Variants in DICER1 observed in about 807,000 individuals in gnomAD.
DICER1 encodes the protein endoribonuclease Dicer.
A neutral mutation model predicts 194.1 loss-of-function variants in DICER1; 43 were observed. That is an observed-to-expected ratio of 0.22 (90% confidence interval 0.17 to 0.29). The LOEUF (loss-of-function observed/expected upper bound fraction) is 0.29. Among genes scored for constraint, DICER1 ranks in the 10% least tolerant of loss-of-function variants. The pLI, the probability that DICER1 is intolerant of heterozygous loss-of-function variation, is 1.00. For synonymous variants in DICER1, 832 were observed against 820.5 expected (o/e 1.01, Z -0.24); for missense variants, 1,608 against 2,317.0 (o/e 0.69, Z 6.28).
chr14:95,104,864 C>T (rs1335367134), intron 20 of DICER1, among the ~76,000 whole-genome samples: 2 of 152,216 alleles, frequency 1.3e-5, no homozygotes, highest in African/African-American at 4.8e-5. Flanking sequence ...ATTTCATTCT[C>T]ACTCCAACTG....
At chr14:95,103,166 C>T (rs1040889944) in intron 21 of DICER1, among the ~76,000 whole-genome samples, 180 bp downstream of exon 21, 42 of 152,122 alleles carry the variant, frequency 2.8e-4, no homozygotes, top group Non-Finnish European at 2.9e-4. Flanking sequence ...TCATCAACTG[C>T]CAGGTAGTTC....
At chr14:95,148,371 G>A (rs144646691) in intron 1 of DICER1, among the ~76,000 whole-genome samples, 17 of 152,156 alleles carry the variant, frequency 1.1e-4, no homozygotes, top group African/African-American at 3.6e-4. Flanking sequence ...GCCACCAGTC[G>A]ATCATTAGCA....
intron 6 of DICER1, among the ~76,000 whole-genome samples, chr14:95,127,065 G>A (rs1318903109): frequency 6.6e-6 from 1 of 152,172 alleles, no homozygotes; most frequent in African/African-American, 2.4e-5. Context: ...ATGATGCTGG[G>A]AATTTACATA....
chr14:95,103,062 AGCTT>A (rs1891032287), intron 21 of DICER1, among the ~76,000 whole-genome samples: 1 of 152,216 alleles, frequency 6.6e-6, no homozygotes, highest in South Asian at 2.1e-4. Flanking sequence ...ACACTTGCAT[AGCTT>A]CCTTTGAACT....
At position 95,094,911 on chromosome 14, in the gene DICER1, A is replaced by T. The variant is rs1187654; in HGVS notation, c.5096-755T>A. ...CTTGTCCCAGAATAAGCAAGGAATT[A>T]AGAAGCAGGGACTGCTAGGCGAGAA... On this transcript the variant is annotated intron_variant, in intron 23 of 26. Coordinates refer to ENST00000343455, the MANE Select transcript of DICER1 (RefSeq NM_177438.3). Among the ~76,000 whole-genome samples the T allele has an allele frequency of 6.4e-3, 974 of 151,638 alleles. 31 individuals carry two copies. The East Asian group carries it at 0.09, about 14-fold the overall frequency.
intron 17 of DICER1, among the ~76,000 whole-genome samples, chr14:95,106,914 GA>G (rs1234749461): frequency 2.6e-5 from 4 of 152,166 alleles, no homozygotes; most frequent in African/African-American, 7.2e-5. Flanking sequence ...ATTTTAAGAA[GA>G]AAGCCTATCA....
At chr14:95,127,355 G>A (rs1237911570) in intron 6 of DICER1, among the ~76,000 whole-genome samples, 1 of 152,168 alleles carries the variant, frequency 6.6e-6, no homozygotes, top group Non-Finnish European at 1.5e-5. Context: ...TCCTAAAGTG[G>A]TACTCATGTT....
In DICER1 at chr14:95,096,467, T is replaced by G. The variant is rs772462662; in HGVS notation, c.4453A>C (p.Lys1485Gln). The G allele has an allele frequency of 1.9e-6, 3 of 1,614,244 alleles. No homozygotes were observed. The highest frequency in any genetic ancestry group is 1.7e-5 in the Admixed American group (1 of 60,028). Reference protein sequence around the residue: ...TDSAYEWKMPKKSSLGSMPFS... With the variant: ...TDSAYEWKMPQKSSLGSMPFS... ...GGCATACTACCTAAGGAGGATTTTT[T>G]GGGCATTTTCCATTCATATGCAGAA... Residue 1485 changes from lysine to glutamine, a missense_variant, in exon 23 of 27, where the codon AAA becomes CAA. By Grantham distance (53) the Lys-to-Gln change is moderately conservative. Transcript: ENST00000343455.
chr14:95,111,897 T>C (rs1307049604), intron 13 of DICER1, among the ~76,000 whole-genome samples: 3 of 152,092 alleles, frequency 2.0e-5, no homozygotes, highest in Admixed American at 1.3e-4. Context: ...GATTCAACAA[T>C]TACGAAAAGA....
rs886050947 is a variant in DICER1, at chr14:95,157,376, G to C, written c.-192C>G. 31 of 154,864 alleles carry C rather than the reference G, an allele frequency of 2.0e-4. 1 individual carries two copies. Among genetic ancestry groups the C allele is most frequent in the Admixed American group, 9.8e-4 (15 of 15,230 alleles). 9.6% of individuals were successfully genotyped at this position (154,864 alleles called of 1,614,324 possible). ...CGCCGTCGCCTCGTCCCCGCTGTCAGGTTACTCCATTCACCTGGGCCTGCA... is the reference window on the plus strand; with the variant it reads ...CGCCGTCGCCTCGTCCCCGCTGTCACGTTACTCCATTCACCTGGGCCTGCA... On this transcript the variant is annotated 5_prime_UTR_variant, in exon 1 of 27. Coordinates refer to ENST00000343455, the MANE Select transcript of DICER1 (RefSeq NM_177438.3).
rs1263111036 is a variant in DICER1 at position 95,157,239 on chromosome 14, G to A, written c.-55C>T. ...CGGGAGCCCGCCTCACCTGCAGCAC[G>A]GGGCGCCGCGGGCCTTCGAGAACCA... On this transcript the variant is annotated 5_prime_UTR_variant, in exon 1 of 27. Coordinates refer to ENST00000343455, the MANE Select transcript of DICER1 (RefSeq NM_177438.3). The A allele has an allele frequency of 6.6e-6, 1 of 150,814 alleles. No individual in the cohort carries two copies. Among genetic ancestry groups the A allele is most frequent in the Non-Finnish European group, 1.5e-5 (1 of 67,566 alleles). The allele number at this position is 150,814 out of a possible 1,614,324, so 9.3% of individuals were successfully genotyped here.
intron 12 of DICER1, 115 bp from the exon 13 acceptor site, chr14:95,112,362 A>G (rs148688413): frequency 2.4e-5 from 20 of 844,806 alleles, no homozygotes; most frequent in Non-Finnish European, 3.6e-5. Flanking sequence ...TTACCAAAAC[A>G]AAATTCTTTA....
intron 7 of DICER1, among the ~76,000 whole-genome samples, chr14:95,126,088 C>A (rs1272030127): frequency 1.4e-5 from 2 of 146,360 alleles, no homozygotes; most frequent in African/African-American, 5.2e-5. Context: ...CTGAAGACTG[C>A]AAACAGTAAA....
chr14:95,127,855 C>A (rs568762276), intron 6 of DICER1, among the ~76,000 whole-genome samples: 2 of 152,168 alleles, frequency 1.3e-5, no homozygotes, highest in South Asian at 4.2e-4. Context: ...CATCTTTTGC[C>A]CCCTTAGGCA....
In DICER1 at chr14:95,105,675, T is replaced by TA; in HGVS notation, c.3093+2dup. 1 of 1,587,706 alleles carries TA rather than the reference T, an allele frequency of 6.3e-7. No individual in the cohort carries two copies. Reference sequence around the variant, plus strand: ...AGTTATGCTAGTACAATTAACTCATTACCTGTTTATTCTGCAGACTTTCCC... The same window carrying TA: ...AGTTATGCTAGTACAATTAACTCATTAACCTGTTTATTCTGCAGACTTTCCC... On this transcript the variant is annotated splice_region_variant and intron_variant, in intron 19 of 26. Coordinates refer to ENST00000343455, the MANE Select transcript of DICER1 (RefSeq NM_177438.3). The surrounding 1 kb of genome is among the most constrained non-coding windows in gnomAD (Gnocchi z 4.9).
rs1298961675 is a variant in DICER1 at position 95,090,883 on chromosome 14, A to AC, written c.5603+150_5603+151insG. 4.1e-6 allele frequency: 4 copies of AC among 972,748 alleles called. No individual in the cohort carries two copies. The East Asian group carries it at 1.0e-4, about 25-fold the overall frequency. 60.3% of individuals were successfully genotyped at this position (972,748 alleles called of 1,614,324 possible). ...TATTTCATAAAAACAGAAGGAAAAA[A>AC]GAGAAGTCAATCAGATTACAAACAG... On this transcript the variant is annotated intron_variant, in intron 26 of 26. Coordinates refer to ENST00000343455, the MANE Select transcript of DICER1 (RefSeq NM_177438.3).
In DICER1 at chr14:95,096,713, T is replaced by A. The variant is rs147391538; in HGVS notation, c.4207A>T (p.Thr1403Ser). The stretch of plus-strand genomic sequence containing the variant: ...CCATTCGCCAGCATGCAGTCTTTTG[T>A]CTGAAACGAGGGGGAATGGGGAAGG... ...NTDKWEKDEM[T>S]KDCMLANGKL... The change falls in exon 23 of 27, where the codon ACA becomes TCA. Residue 1403 changes from threonine (T) to serine (S), a missense_variant and splice_region_variant. Around this residue, in one of 10 missense-constraint regions of DICER1, gnomAD observed 164 missense variants for 183.7 expected, o/e 0.89. Transcript: ENST00000343455. 1 of 1,602,102 alleles carries A rather than the reference T, an allele frequency of 6.2e-7. No individual in the cohort carries two copies. The highest frequency in any genetic ancestry group is 1.3e-5 in the African/African-American group (1 of 74,340).
Position 95,105,229 on chromosome 14 carries a change from G to C in DICER1, c.3111C>G (p.Leu1037=), listed in dbSNP as rs1488681878. 1 of 1,613,600 alleles carries C rather than the reference G, an allele frequency of 6.2e-7. No individual in the cohort carries two copies. ...LQNKQILVPE[L]CAIHPIPASL... is the part of the protein sequence containing the mutation. ...ATGCTGGAATTGGATGTATAGCACA[G>C]AGTTCTGGAACCAGTATCTTCAAGT... Residue 1037 remains leucine, a synonymous_variant, in exon 20 of 27, where the codon CTC becomes CTG. Coordinates refer to ENST00000343455, the MANE Select transcript of DICER1 (RefSeq NM_177438.3). This position sits in a 1 kb window ranked among gnomAD's most constrained non-coding sequence, Gnocchi z 4.9.
chr14:95,135,189 TCTC>T lies in DICER1; in HGVS notation c.-45-1689_-45-1687del, dbSNP rs1374747227. On this transcript the variant is annotated intron_variant, in intron 1 of 26. Transcript: ENST00000343455. ...TCCACTCTCGTGATACCTCCACAAT[TCTC>T]CTTCATGACTACAGACTGCATACTG... 5.9e-5 allele frequency among the ~76,000 whole-genome samples: 9 copies of T among 152,286 alleles called. No individual in the cohort carries two copies. The East Asian group carries it at 1.5e-3, about 26-fold the overall frequency.
Sources: gnomAD v4.1 joint callset for allele counts (sites outside exome capture counted in the v4.1 genomes callset) on GRCh38, gnomAD v4.1.1 for gene constraint, gnomAD v4.1.1 regional missense constraint, Gnocchi (gnomAD v3.1) non-coding constraint, MANE v1.5 for transcripts, NCBI Gene and HGNC (gene_info 2026-07-23, HGNC 2026-07-21) for gene names.